The following GUCY1A2 variants were observed in gnomAD, a reference collection of about 807,000 sequenced individuals.
GUCY1A2 encodes the protein guanylate cyclase 1 soluble subunit alpha 2, also known as guanylate cyclase soluble subunit alpha-2.
A neutral mutation model predicts 63.5 loss-of-function variants in GUCY1A2; 27 were observed. That is an observed-to-expected ratio of 0.43 (90% CI 0.31 to 0.59). The LOEUF is 0.59. Ranked by LOEUF, GUCY1A2 falls within the 20% of genes least tolerant of loss-of-function variation. GUCY1A2 has a pLI of 0.11. For synonymous variants in GUCY1A2, 364 were observed against 343.5 expected, an observed-to-expected ratio of 1.06 and a Z score of -0.66; for missense variants, 768 against 913.3, an observed-to-expected ratio of 0.84 and a Z score of 2.05.
chr11:106,719,943 A>T (rs1386389168), intron 6 of GUCY1A2, among the ~76,000 whole-genome samples: 1 of 152,250 alleles, frequency 6.6e-6, no homozygotes, highest in African/African-American at 2.4e-5. Context: ...CCAGCATTCT[A>T]TAAATTCCTT....
At chr11:106,905,109 T>G in intron 4 of GUCY1A2, among the ~76,000 whole-genome samples, 1 of 152,110 alleles carries the variant, frequency 6.6e-6, no homozygotes, top group Non-Finnish European at 1.5e-5. Flanking sequence ...TGCCATTTCA[T>G]GTAGTTCATT....
intron 1 of GUCY1A2, among the ~76,000 whole-genome samples, chr11:106,987,069 G>C (rs908744056): frequency 6.6e-6 from 1 of 152,138 alleles, no homozygotes; most frequent in African/African-American, 2.4e-5. Context: ...TCAGTAGCAA[G>C]AGAGAGAATG....
At chr11:106,968,606 C>T (rs532656389) in intron 3 of GUCY1A2, among the ~76,000 whole-genome samples, 1 of 152,180 alleles carries the variant, frequency 6.6e-6, no homozygotes, top group East Asian at 1.9e-4. Flanking sequence ...TATTTTCATG[C>T]CTGTTACCAA....
At chr11:106,979,326 G>C (rs1462906867) in intron 2 of GUCY1A2, among the ~76,000 whole-genome samples, 4 of 152,014 alleles carry the variant, frequency 2.6e-5, no homozygotes, top group African/African-American at 9.7e-5. Flanking sequence ...GTGGTGGCAG[G>C]CGCCTGTAGT....
intron 1 of GUCY1A2, among the ~76,000 whole-genome samples, chr11:106,989,674 G>A (rs1271828257): frequency 1.3e-5 from 2 of 152,098 alleles, no homozygotes; most frequent in African/African-American, 4.8e-5. Context: ...TAAAGCTACC[G>A]ATACTTCTCA....
At chr11:106,829,453 T>C (rs1565303269) in intron 4 of GUCY1A2, among the ~76,000 whole-genome samples, 1 of 152,150 alleles carries the variant, frequency 6.6e-6, no homozygotes, top group Non-Finnish European at 1.5e-5. Context: ...GCTGATCACA[T>C]GGTCTCTCAG....
intron 3 of GUCY1A2, among the ~76,000 whole-genome samples, chr11:106,973,005 G>A (rs1177784971): frequency 6.6e-6 from 1 of 152,080 alleles, no homozygotes; most frequent in Non-Finnish European, 1.5e-5. Context: ...ATAGGAAGCA[G>A]TGTCCATATA....
At chr11:106,817,393 C>T (rs973659773) in intron 4 of GUCY1A2, among the ~76,000 whole-genome samples, 1 of 151,764 alleles carries the variant, frequency 6.6e-6, no homozygotes, top group Admixed American at 6.6e-5. Context: ...AGACTAGAAA[C>T]TAACTACTAA....
intron 2 of GUCY1A2, among the ~76,000 whole-genome samples, chr11:106,981,060 A>G (rs1861328659): frequency 6.6e-6 from 1 of 152,240 alleles, no homozygotes; most frequent in Admixed American, 6.5e-5. Context: ...CAAACATAGT[A>G]AGCAATCAAG....
intron 6 of GUCY1A2, among the ~76,000 whole-genome samples, chr11:106,719,180 T>TTCTA (rs1345939959): frequency 2.0e-5 from 3 of 152,186 alleles, no homozygotes; most frequent in African/African-American, 7.2e-5. Flanking sequence ...TCTTAGAAGT[T>TTCTA]TCTATCTTGA....
At chr11:106,754,310 A>T (rs1210007933) in intron 6 of GUCY1A2, among the ~76,000 whole-genome samples, 2 of 152,182 alleles carry the variant, frequency 1.3e-5, no homozygotes, top group Admixed American at 6.5e-5. Context: ...AACAGAGACA[A>T]TTTGACTTCC....
intron 3 of GUCY1A2, among the ~76,000 whole-genome samples, chr11:106,951,310 T>C (rs1217632960): frequency 6.6e-6 from 1 of 152,206 alleles, no homozygotes; most frequent in Non-Finnish European, 1.5e-5. Flanking sequence ...CCTTGAGGAA[T>C]CGCCACACTG....
intron 4 of GUCY1A2, among the ~76,000 whole-genome samples, chr11:106,855,563 AT>A (rs147131820): frequency 0.024 from 3,601 of 152,150 alleles, 140 homozygotes; most frequent in African/African-American, 0.08. Context: ...TTTTGAGTTA[AT>A]TTTTGTATAT....
chr11:106,976,903 C>A (rs1160400017), intron 3 of GUCY1A2, among the ~76,000 whole-genome samples: 1 of 151,128 alleles, frequency 6.6e-6, no homozygotes, highest in Non-Finnish European at 1.5e-5. Flanking sequence ...GGCAACTAAG[C>A]TGTGCTGGGC....
chr11:106,712,316 C>G (rs1327715770), intron 6 of GUCY1A2, among the ~76,000 whole-genome samples: 3 of 152,094 alleles, frequency 2.0e-5, no homozygotes, highest in African/African-American at 7.2e-5. Flanking sequence ...TATTTTTCAT[C>G]TCAGACATTG....
rs1000697356 is a variant in GUCY1A2, at chr11:107,018,304, G to GGCC, written c.-252_-250dup. Reference sequence around the variant, plus strand: ...GGCGGCGGCGCCGGGCTGGGCTGGGGGCCGCCGCCGCCTCTGCTGCTGCTC... The same window carrying GGCC: ...GGCGGCGGCGCCGGGCTGGGCTGGGGGCCGCCGCCGCCGCCTCTGCTGCTGCTC... On this transcript the variant is annotated 5_prime_UTR_variant, in exon 1 of 8. Transcript: ENST00000526355. The GGCC allele has an allele frequency of 8.2e-5, 12 of 146,166 alleles. No individual in the cohort carries two copies. Among genetic ancestry groups the GGCC allele is most frequent in the African/African-American group, 2.9e-4 (12 of 40,808 alleles). The allele number at this position is 146,166 out of a possible 1,614,324, so 9.1% of individuals were successfully genotyped here. A position where few individuals can be genotyped will look rare whatever the true frequency, so the allele number is the denominator to read the frequency against.
intron 5 of GUCY1A2, among the ~76,000 whole-genome samples, chr11:106,779,543 A>G (rs1371971522): frequency 2.0e-5 from 3 of 152,226 alleles, no homozygotes; most frequent in African/African-American, 4.8e-5. Context: ...AATTGCCTGC[A>G]CAAATCAAAA....
At chr11:106,797,104 G>C (rs565838696) in intron 5 of GUCY1A2, among the ~76,000 whole-genome samples, 1 of 152,008 alleles carries the variant, frequency 6.6e-6, no homozygotes, top group Non-Finnish European at 1.5e-5. Flanking sequence ...CATAGTTCTC[G>C]TGCCATGGTT....
At chr11:106,749,581 T>G in intron 6 of GUCY1A2, among the ~76,000 whole-genome samples, 1 of 152,090 alleles carries the variant, frequency 6.6e-6, no homozygotes, top group Non-Finnish European at 1.5e-5. Context: ...GTTAATGTCC[T>G]TGGAGTGTTA....
Sources: allele counts gnomAD v4.1 joint callset (sites outside exome capture counted in the v4.1 genomes callset), GRCh38; gene constraint gnomAD v4.1.1; transcripts MANE v1.5; gene names NCBI Gene and HGNC (gene_info 2026-07-23, HGNC 2026-07-21).